Variants in CERS3 observed in about 807,000 individuals in gnomAD.
The protein encoded by CERS3 is LAG1 homolog, ceramide synthase 3.
CERS3 carries 33 observed loss-of-function variants against 50.3 expected under a neutral mutation model. That is an observed-to-expected ratio of 0.66 (90% CI 0.50 to 0.88). CERS3 has a LOEUF of 0.88. Among genes scored for constraint, CERS3 ranks in the 40% least tolerant of loss-of-function variants. The pLI, the probability that CERS3 is intolerant of heterozygous loss-of-function variation, is 0.00. For synonymous variants in CERS3, 176 were observed against 155.2 expected (o/e 1.13, Z -0.99); for missense variants, 470 against 460.3 (o/e 1.02, Z -0.19).
At chr15:100,499,022 G>A (rs1221349295) in intron 3 of CERS3, among the ~76,000 whole-genome samples, 1 of 152,126 alleles carries the variant, frequency 6.6e-6, no homozygotes, top group Non-Finnish European at 1.5e-5. Context: ...TATGTAAGTC[G>A]CTACAGATAG....
intron 11 of CERS3, among the ~76,000 whole-genome samples, chr15:100,403,876 T>A (rs1369313954): frequency 7.1e-6 from 1 of 140,768 alleles, no homozygotes; most frequent in Non-Finnish European, 1.6e-5. Context: ...AGGGAACAGG[T>A]CTCATTTTAT....
Position 100,469,438 on chromosome 15 carries a change from G to A in CERS3, c.785C>T (p.Thr262Ile), listed in dbSNP as rs200925198. The A allele has an allele frequency of 6.2e-7, 1 of 1,614,030 alleles. No individual in the cohort carries two copies. Among genetic ancestry groups the A allele is most frequent in the South Asian group, 1.1e-5 (1 of 91,080 alleles). ...SYAGWTQTCN[T>I]LFFIFSTIFF... Reference sequence around the variant, plus strand: ...TATGGTGGAGAAGATGAAAAACAGGGTGTTACAGGTCTGCGTCCATCCAGC... The same window carrying A: ...TATGGTGGAGAAGATGAAAAACAGGATGTTACAGGTCTGCGTCCATCCAGC... Residue 262 changes from threonine (T) to isoleucine (I), a missense_variant, in exon 10 of 12, where the codon ACC becomes ATC. By Grantham distance (89) the Thr-to-Ile change is moderately conservative. Transcript: ENST00000679737.
chr15:100,502,267 A>AG (rs2036032792), intron 2 of CERS3, among the ~76,000 whole-genome samples: 34 of 109,294 alleles, frequency 3.1e-4, no homozygotes, highest in African/African-American at 9.4e-4. Context: ...AAAAAAAAAA[A>AG]AAAGAAAGAA....
chr15:100,450,597 G>A (rs1469657602), intron 11 of CERS3, among the ~76,000 whole-genome samples: 1 of 152,044 alleles, frequency 6.6e-6, no homozygotes, highest in African/African-American at 2.4e-5. Context: ...AACTTTTGGT[G>A]TTTCAGAGGT....
At chr15:100,412,527 G>A (rs1384302873) in intron 11 of CERS3, among the ~76,000 whole-genome samples, 1 of 152,238 alleles carries the variant, frequency 6.6e-6, no homozygotes, top group East Asian at 1.9e-4. Flanking sequence ...TATAAGGGGT[G>A]CCCTAAAGTC....
chr15:100,409,099 A>C (rs1532764), intron 11 of CERS3, among the ~76,000 whole-genome samples: 1 of 151,836 alleles, frequency 6.6e-6, no homozygotes, highest in Non-Finnish European at 1.5e-5. Flanking sequence ...CCAGGTCTAT[A>C]TGAGGTTGGC....
rs187867079 is a variant in CERS3 at position 100,411,960 on chromosome 15, T to G, written c.1000-9095A>C. Among the ~76,000 whole-genome samples, 5 of 152,332 alleles carry G rather than the reference T, an allele frequency of 3.3e-5. No homozygotes were observed. In the East Asian group the frequency reaches 9.6e-4, roughly 29 times the overall value. ...TGCCCAATTTTGAACCCAGGTCATT[T>G]GGAGTTTTGTTGCTGCTGAGTTTCA... On this transcript the variant is annotated intron_variant, in intron 11 of 11. Transcript: ENST00000679737.
chr15:100,442,581 A>G (rs1289360740), intron 11 of CERS3, among the ~76,000 whole-genome samples: 1 of 152,194 alleles, frequency 6.6e-6, no homozygotes, highest in African/African-American at 2.4e-5. Context: ...AAATCTGGCC[A>G]CCAGGCCAAG....
intron 11 of CERS3, among the ~76,000 whole-genome samples, chr15:100,447,804 C>T (rs948131197): frequency 1.3e-5 from 2 of 152,124 alleles, no homozygotes; most frequent in South Asian, 4.1e-4. Flanking sequence ...ATGAACATTC[C>T]CCCACTAGAT....
intron 6 of CERS3, 95 bp from the exon 7 acceptor site, chr15:100,479,573 G>A (rs995389954): frequency 2.3e-6 from 2 of 856,160 alleles, no homozygotes; most frequent in African/African-American, 3.4e-5. Flanking sequence ...TCTTCCTTAT[G>A]TCATTTACAG....
rs372801176 is a variant in CERS3, at chr15:100,443,831, C to T, written c.999+12062G>A. Among the ~76,000 whole-genome samples the T allele has an allele frequency of 7.2e-5, 11 of 152,254 alleles. No individual in the cohort carries two copies. The East Asian group carries it at 7.7e-4, about 11-fold the overall frequency. On this transcript the variant is annotated intron_variant, in intron 11 of 11. Transcript: ENST00000679737. ...CAACAACTCCTTTCCTTCCTAGGCACGGTTAGATACTTTCACCTTTAGATA... is the reference window on the plus strand; with the variant it reads ...CAACAACTCCTTTCCTTCCTAGGCATGGTTAGATACTTTCACCTTTAGATA...
rs111926142 is a variant in CERS3 at position 100,484,624 on chromosome 15, G to A, written c.333C>T (p.Arg111=). 153 of 1,613,988 alleles carry A rather than the reference G, an allele frequency of 9.5e-5. 1 individual carries two copies. Among genetic ancestry groups the A allele is most frequent in the Admixed American group, 1.7e-4 (10 of 60,002 alleles). Residue 111 remains arginine, a synonymous_variant, in exon 5 of 12, where the codon CGC becomes CGT. Coordinates refer to ENST00000679737, the MANE Select transcript of CERS3 (RefSeq NM_001378789.1). ...GACTCCTAAACCATCTTTCCACCTGGCGCTCCGTCAAGTTACACTTCTTTG... is the reference window on the plus strand; with the variant it reads ...GACTCCTAAACCATCTTTCCACCTGACGCTCCGTCAAGTTACACTTCTTTG... The part of the protein sequence containing the change: ...GLAKKCNLTE[R]QVERWFRSRR...
intron 11 of CERS3, among the ~76,000 whole-genome samples, chr15:100,420,626 C>CA (rs1185358312): frequency 6.0e-5 from 9 of 151,128 alleles, no homozygotes; most frequent in East Asian, 3.9e-4. Context: ...AGAGACACAA[C>CA]AAAAAAAGAG....
intron 10 of CERS3, among the ~76,000 whole-genome samples, chr15:100,468,446 G>A (rs995281379): frequency 6.6e-6 from 1 of 152,202 alleles, no homozygotes; most frequent in Non-Finnish European, 1.5e-5. Flanking sequence ...AAAGAATGCA[G>A]CTGGCTTCCA....
intron 2 of CERS3, among the ~76,000 whole-genome samples, chr15:100,519,670 A>G (rs900854163): frequency 7.2e-5 from 11 of 152,158 alleles, no homozygotes; most frequent in African/African-American, 2.7e-4. Context: ...CTGCTAGTAC[A>G]CAAGGTTGGG....
intron 2 of CERS3, among the ~76,000 whole-genome samples, chr15:100,509,908 A>T (rs1388444077): frequency 1.3e-5 from 2 of 152,170 alleles, no homozygotes; most frequent in Non-Finnish European, 2.9e-5. Flanking sequence ...ATCTAAAAAC[A>T]ACTTCATTTT....
chr15:100,518,885 T>C (rs1447579642), intron 2 of CERS3, among the ~76,000 whole-genome samples: 1 of 152,212 alleles, frequency 6.6e-6, no homozygotes, highest in Non-Finnish European at 1.5e-5. Flanking sequence ...TCCACCTGGC[T>C]GGGTGTGGTG....
At chr15:100,493,762 G>T (rs529775901) in intron 3 of CERS3, among the ~76,000 whole-genome samples, 2 of 152,000 alleles carry the variant, frequency 1.3e-5, no homozygotes, top group Non-Finnish European at 2.9e-5. Context: ...GCTCAAATAT[G>T]CTATTGAGCC....
intron 11 of CERS3, among the ~76,000 whole-genome samples, chr15:100,454,022 G>C (rs929892489): frequency 1.3e-5 from 2 of 152,152 alleles, no homozygotes; most frequent in Non-Finnish European, 2.9e-5. Flanking sequence ...CATGCTCATG[G>C]ATTAGAAAAG....
Sources: gnomAD v4.1 joint callset for allele counts (sites outside exome capture counted in the v4.1 genomes callset) on GRCh38, gnomAD v4.1.1 for gene constraint, MANE v1.5 for transcripts, NCBI Gene and HGNC (gene_info 2026-07-23, HGNC 2026-07-21) for gene names.